The following TEPSIN variants were observed in gnomAD, a reference collection of about 807,000 sequenced individuals.
The protein encoded by TEPSIN is TEPSIN adaptor related protein complex 4 accessory protein.
Under a neutral mutation model 48.5 loss-of-function variants are expected in TEPSIN, and 50 were observed. The ratio of observed to expected loss-of-function variants is 1.03; its 90% CI spans 0.82 to 1.31. The LOEUF (loss-of-function observed/expected upper bound fraction) is 1.31, where lower values mean the gene tolerates loss of function less well. Ranked by LOEUF, TEPSIN falls within the 50% of genes most tolerant of loss-of-function variation. TEPSIN has a pLI of 0.00. For synonymous variants in TEPSIN, 392 were observed against 358.8 expected, an observed-to-expected ratio of 1.09 and a Z score of -1.05; for missense variants, 838 against 815.9, an observed-to-expected ratio of 1.03 and a Z score of -0.33.
At position 81,232,314 on chromosome 17, in the gene TEPSIN, C is replaced by A. The variant is rs1224575377; in HGVS notation, c.730+1G>T. ...AAGGGGAGGAGCCCTCGCCTCGATA[C>A]CTCGGGGACCTGGAATGGCCCCGGG... is the stretch of plus-strand genomic sequence containing the variant. On this transcript the variant is annotated splice_donor_variant, in intron 8 of 12. Transcript: ENST00000637944. LOFTEE classifies it high-confidence loss of function. The A allele has an allele frequency of 1.3e-6, 2 of 1,525,140 alleles. No homozygotes were observed. Among genetic ancestry groups the A allele is most frequent in the Non-Finnish European group, 1.8e-6 (2 of 1,139,102 alleles). The allele number at this position is 1,525,140 out of a possible 1,614,324, so 94.5% of individuals were successfully genotyped here.
At position 81,228,744 on chromosome 17, in the gene TEPSIN, G is replaced by A. The variant is rs2062517646; in HGVS notation, c.*184C>T. On this transcript the variant is annotated 3_prime_UTR_variant, in exon 13 of 13. Transcript: ENST00000637944. ...CCCTGCCACCTGCCATCCCTCGTAG[G>A]GATTCAAGTCCAAATAGCCAGAGCC... is the stretch of plus-strand genomic sequence containing the variant. 3.1e-5 allele frequency: 22 copies of A among 719,436 alleles called. No individual in the cohort carries two copies. In the East Asian group the frequency reaches 6.0e-4, roughly 20 times the overall value. 44.6% of individuals were successfully genotyped at this position (719,436 alleles called of 1,614,324 possible).
Position 81,229,011 on chromosome 17 carries a change from C to A in TEPSIN, c.1699G>T (p.Ala567Ser). 2 of 1,613,444 alleles carry A rather than the reference C, an allele frequency of 1.2e-6. No homozygotes were observed. The highest frequency in any genetic ancestry group is 4.5e-5 in the East Asian group (2 of 44,870). ...GTCCTCTGGGACGATGTTTGGGGGG[C>A]GCGGGGAGCATCAGGACAGGACTCT... ...AGESCPDAPR[A>S]PQTSSQRTAA... The change falls in exon 13 of 13, where the codon GCC becomes TCC. Residue 567 changes from alanine (A) to serine (S), a missense_variant. Transcript: ENST00000637944.
Position 81,236,910 on chromosome 17 carries a change from C to A in TEPSIN, c.213+70G>T, listed in dbSNP as rs114035546. On this transcript the variant is annotated intron_variant, in intron 3 of 12. Transcript: ENST00000637944. ...GAGCTGCCTGCCACCCTGGGCCGCTCGTCTGCTCCTCCATCCTCACCACCG... is the reference window on the plus strand; with the variant it reads ...GAGCTGCCTGCCACCCTGGGCCGCTAGTCTGCTCCTCCATCCTCACCACCG... The A allele has an allele frequency of 2.6e-6, 4 of 1,531,710 alleles. No homozygotes were observed. The East Asian group carries it at 7.4e-5, about 28-fold the overall frequency. The allele number at this position is 1,531,710 out of a possible 1,614,324, so 94.9% of individuals were successfully genotyped here.
rs768436560 is a variant in TEPSIN at position 81,229,316 on chromosome 17, G to T, written c.1394C>A (p.Thr465Asn). 1.1e-5 allele frequency: 18 copies of T among 1,571,740 alleles called. No individual in the cohort carries two copies. The highest frequency in any genetic ancestry group is 1.2e-5 in the Non-Finnish European group (14 of 1,158,600). Residue 465 changes from threonine (T) to asparagine (N), a missense_variant, in exon 13 of 13, where the codon ACC (threonine) becomes AAC (asparagine). Transcript: ENST00000637944. ...AGCAGGGCTCCGGGACGAGACCGGG[G>T]TTGAACTCAGAGGCTGCAGGAAGAC... ...SQVFLQPLSS[T>N]PVSSRSPAPS...
intron 8 of TEPSIN, 63 bp from the exon 9 acceptor site, chr17:81,232,084 C>T (rs1406088890): frequency 6.4e-7 from 1 of 1,555,594 alleles, no homozygotes; most frequent in Non-Finnish European, 8.7e-7. Flanking sequence ...TGCCCACCTC[C>T]CGGGGCCCTG....
At chr17:81,237,493 G>A in intron 1 of TEPSIN, 34 bp from the exon 2 acceptor site, 1 of 1,583,856 alleles carries the variant, frequency 6.3e-7, no homozygotes, top group Non-Finnish European at 8.6e-7. Context: ...CCATGATGAG[G>A]TGCCATTTCC....
chr17:81,231,162 GTGCACAAGTGTGTACACACCGCACACA>G (rs1260579265), intron 11 of TEPSIN: 3 of 578,810 alleles, frequency 5.2e-6, no homozygotes, highest in East Asian at 2.9e-5. Flanking sequence ...TACCACACAC[GTGCACAAGTGTGTACACACCGCACACA>G]TGCACGAGTG....
At position 81,237,468 on chromosome 17, in the gene TEPSIN, G is replaced by A. The variant is rs773144002; in HGVS notation, c.49-9C>T. 1.2e-6 allele frequency: 2 copies of A among 1,605,740 alleles called. No individual in the cohort carries two copies. The highest frequency in any genetic ancestry group is 1.7e-6 in the Non-Finnish European group (2 of 1,176,668). ...TTCAGGAGAATCGGGAGCTGAAAGG[G>A]AACAAGAGCCCCTACCATGATGAGG... is the stretch of plus-strand genomic sequence containing the variant. On this transcript the variant is annotated splice_polypyrimidine_tract_variant and intron_variant, in intron 1 of 12. Transcript: ENST00000637944.
In TEPSIN at chr17:81,231,839, C is replaced by A. The variant is rs778109894; in HGVS notation, c.905+8G>T. ...ACCTCTCCCACATATCTGGCAGCTC[C>A]CGCTCACCTTTCTGCCAGGTCACCC... is the stretch of plus-strand genomic sequence containing the variant. On this transcript the variant is annotated splice_region_variant and intron_variant, in intron 9 of 12. Transcript: ENST00000637944. The A allele has an allele frequency of 2.5e-6, 4 of 1,612,600 alleles. No homozygotes were observed. Among genetic ancestry groups the A allele is most frequent in the South Asian group, 2.2e-5 (2 of 91,046 alleles).
chr17:81,236,111 C>T (rs1335373000), intron 4 of TEPSIN, among the ~76,000 whole-genome samples: 2 of 152,244 alleles, frequency 1.3e-5, no homozygotes, highest in Non-Finnish European at 2.9e-5. Context: ...TCAGGCCAAG[C>T]CCCCACAAGT....
At chr17:81,237,885 T>C (rs2062753561) in intron 1 of TEPSIN, 2 of 788,796 alleles carry the variant, frequency 2.5e-6, no homozygotes, top group Non-Finnish European at 3.1e-6. Flanking sequence ...GAGGCCGGAA[T>C]GGCAGAGTGA....
chr17:81,236,552 G>A (rs2062723842), intron 4 of TEPSIN, 156 bp downstream of exon 4: 5 of 807,442 alleles, frequency 6.2e-6, no homozygotes, highest in Non-Finnish European at 9.8e-6. Flanking sequence ...GGAGAGGCCA[G>A]AGATGGGCCA....
chr17:81,228,858 G>T lies in TEPSIN; in HGVS notation c.*70C>A. 6.4e-7 allele frequency: 1 copy of T among 1,574,722 alleles called. No individual in the cohort carries two copies. The highest frequency in any genetic ancestry group is 8.7e-7 in the Non-Finnish European group (1 of 1,155,446). On this transcript the variant is annotated 3_prime_UTR_variant, in exon 13 of 13. Coordinates refer to ENST00000637944, the MANE Select transcript of TEPSIN (RefSeq NM_001363764.2). ...TGGAGACTGTAGCAGCTACGGTTGAGGCTGCTCAGGAAGCACAGACCGCCC... is the reference window on the plus strand; with the variant it reads ...TGGAGACTGTAGCAGCTACGGTTGATGCTGCTCAGGAAGCACAGACCGCCC...
intron 3 of TEPSIN, 53 bp from the exon 4 acceptor site, chr17:81,236,854 G>A: frequency 6.5e-7 from 1 of 1,544,560 alleles, no homozygotes; most frequent in Non-Finnish European, 8.7e-7. Flanking sequence ...GGGACACCCA[G>A]GGCAGGGCCC....
rs1280322320 is a variant in TEPSIN, at chr17:81,233,792, C to T, written c.376-76G>A. ...ACTCACCCTGCCACCCATATCAGCT[C>T]CGTTCTGTCCCCCGGACACTTCTCC... On this transcript the variant is annotated intron_variant, in intron 5 of 12. Transcript: ENST00000637944. This position sits in a 1 kb window ranked among gnomAD's most constrained non-coding sequence, Gnocchi z 5.8. The T allele has an allele frequency of 9.6e-6, 14 of 1,459,228 alleles. No individual in the cohort carries two copies. Among genetic ancestry groups the T allele is most frequent in the African/African-American group, 1.4e-5 (1 of 71,168 alleles). The allele number at this position is 1,459,228 out of a possible 1,614,324, so 90.4% of individuals were successfully genotyped here. A position where few individuals can be genotyped will look rare whatever the true frequency, so the allele number is the denominator to read the frequency against.
At position 81,233,033 on chromosome 17, in the gene TEPSIN, T is replaced by A. The variant is rs1358382153; in HGVS notation, c.526+399A>T. The A allele has an allele frequency of 7.4e-6, 2 of 269,446 alleles. No individual in the cohort carries two copies. Among genetic ancestry groups the A allele is most frequent in the Non-Finnish European group, 1.4e-5 (2 of 140,628 alleles). The allele number at this position is 269,446 out of a possible 1,614,324, so 16.7% of individuals were successfully genotyped here. ...CCCAGCCGCAGGCAGTGGTGCCACC[T>A]GTGGCTCTCCTGGCGCTGGTGAGCA... On this transcript the variant is annotated intron_variant, in intron 7 of 12. Coordinates refer to ENST00000637944, the MANE Select transcript of TEPSIN (RefSeq NM_001363764.2). The surrounding 1 kb of genome is among the most constrained non-coding windows in gnomAD (Gnocchi z 5.8).
intron 1 of TEPSIN, chr17:81,237,848 G>A: frequency 3.9e-6 from 2 of 513,708 alleles, no homozygotes; most frequent in Non-Finnish European, 5.2e-6. Context: ...TTCCACACAG[G>A]GGACTATGAA....
chr17:81,233,598 C>T lies in TEPSIN; in HGVS notation c.454+40G>A. ...CCCAGGACACTCAAGGAGGCAGAAA[C>T]CAGGTGCCAGAGCTGGACACGGTCC... On this transcript the variant is annotated intron_variant, in intron 6 of 12. Transcript: ENST00000637944. The surrounding 1 kb of genome is among the most constrained non-coding windows in gnomAD (Gnocchi z 5.8). The T allele has an allele frequency of 6.3e-7, 1 of 1,575,142 alleles. No individual in the cohort carries two copies. Among genetic ancestry groups the T allele is most frequent in the East Asian group, 2.3e-5 (1 of 43,900 alleles).
chr17:81,237,567 G>C (rs2062747141), intron 1 of TEPSIN, 108 bp from the exon 2 acceptor site: 1 of 1,161,278 alleles, frequency 8.6e-7, no homozygotes, highest in African/African-American at 1.6e-5. Flanking sequence ...CTGTTGACAT[G>C]GCCGGAGAGA....
Sources: gnomAD v4.1 joint callset for allele counts (sites outside exome capture counted in the v4.1 genomes callset) on GRCh38, gnomAD v4.1.1 for gene constraint, Gnocchi (gnomAD v3.1) non-coding constraint, MANE v1.5 for transcripts, NCBI Gene and HGNC (gene_info 2026-07-23, HGNC 2026-07-21) for gene names.